Variants in UNC13C observed in about 807,000 individuals in gnomAD.
UNC13C encodes the protein protein unc-13 homolog C.
A neutral mutation model predicts 245.4 loss-of-function variants in UNC13C; 174 were observed. The observed-to-expected ratio is 0.71, with a 90% CI of 0.63 to 0.80. The LOEUF is 0.80. Ranked by LOEUF, UNC13C falls within the 30% of genes least tolerant of loss-of-function variation. UNC13C has a pLI of 0.00. For missense variants in UNC13C, 2,829 were observed against 2,602.9 expected (o/e 1.09, Z -1.89); for synonymous variants, 992 against 895.1 (o/e 1.11, Z -1.93).
chr15:54,334,222 A>G (rs1363615384), intron 16 of UNC13C, among the ~76,000 whole-genome samples: 3 of 152,144 alleles, frequency 2.0e-5, no homozygotes, highest in Admixed American at 2.0e-4. Context: ...TTTTGCTACA[A>G]GAAAGTAGCT....
At chr15:54,253,172 A>G (rs928880906) in intron 8 of UNC13C, among the ~76,000 whole-genome samples, 6 of 152,210 alleles carry the variant, frequency 3.9e-5, no homozygotes, top group African/African-American at 7.2e-5. Context: ...GAGTATGTCA[A>G]GTTACTTCAA....
chr15:54,146,143 AC>A (rs1233239320), intron 4 of UNC13C, among the ~76,000 whole-genome samples: 1 of 152,116 alleles, frequency 6.6e-6, no homozygotes, highest in Non-Finnish European at 1.5e-5. Context: ...TGCTTATTTT[AC>A]TTTTTCTATA....
chr15:53,926,150 C>T, the UNC13C span, among the ~76,000 whole-genome samples: 1 of 151,222 alleles, frequency 6.6e-6, no homozygotes, highest in Non-Finnish European at 1.5e-5. Context: ...TAGTATGACT[C>T]ATAGACATTA....
chr15:54,543,227 G>A (rs1178341224), intron 26 of UNC13C, among the ~76,000 whole-genome samples: 1 of 151,988 alleles, frequency 6.6e-6, no homozygotes, highest in African/African-American at 2.4e-5. Flanking sequence ...TTGCTTGTCT[G>A]TAAAGGATTT....
At chr15:54,477,513 C>A in intron 19 of UNC13C, among the ~76,000 whole-genome samples, 1 of 110,396 alleles carries the variant, frequency 9.1e-6, no homozygotes. Flanking sequence ...GAGTTTTTAG[C>A]ATGAAGCGTT....
intron 4 of UNC13C, among the ~76,000 whole-genome samples, chr15:54,221,677 A>G (rs543427423): frequency 6.6e-5 from 10 of 152,026 alleles, no homozygotes; most frequent in Non-Finnish European, 1.5e-4. Flanking sequence ...AAATAAGATT[A>G]ATCACATAGC....
chr15:53,932,817 C>G, the UNC13C span, among the ~76,000 whole-genome samples: 1 of 152,178 alleles, frequency 6.6e-6, no homozygotes, highest in African/African-American at 2.4e-5. Context: ...GGTCAAATCT[C>G]TTTTCAGAAC....
intron 30 of UNC13C, among the ~76,000 whole-genome samples, chr15:54,568,563 T>G (rs1205622612): frequency 3.3e-5 from 5 of 152,154 alleles, no homozygotes; most frequent in Non-Finnish European, 7.4e-5. Flanking sequence ...TTCTTTCAAG[T>G]TGCTTTGTGA....
chr15:54,308,548 G>A (rs1004619300), intron 13 of UNC13C, among the ~76,000 whole-genome samples: 7 of 151,696 alleles, frequency 4.6e-5, no homozygotes, highest in African/African-American at 1.7e-4. Context: ...AGAATACAAT[G>A]CATTGTTATT....
intron 19 of UNC13C, among the ~76,000 whole-genome samples, chr15:54,446,632 T>A (rs1202309645): frequency 1.4e-4 from 22 of 152,282 alleles, no homozygotes; most frequent in African/African-American, 3.8e-4. Context: ...ATTTTTGCAC[T>A]TTGATTTTGT....
In UNC13C at chr15:54,312,023, C is replaced by T. The variant is rs535945965; in HGVS notation, c.4269-9916C>T. Reference sequence around the variant, plus strand: ...AGCAAAATTTAAGATGTATATTTTACATATTTTTTTCTGGTTAGGGTAATA... The same window carrying T: ...AGCAAAATTTAAGATGTATATTTTATATATTTTTTTCTGGTTAGGGTAATA... On this transcript the variant is annotated intron_variant, in intron 13 of 32. Transcript: ENST00000260323. 3.1e-4 allele frequency among the ~76,000 whole-genome samples: 47 copies of T among 151,800 alleles called. 1 individual carries two copies. Among genetic ancestry groups the T allele is most frequent in the African/African-American group, 1.1e-3 (46 of 41,496 alleles).
At chr15:54,169,481 C>T (rs769487376) in intron 4 of UNC13C, among the ~76,000 whole-genome samples, 1 of 152,150 alleles carries the variant, frequency 6.6e-6, no homozygotes, top group Non-Finnish European at 1.5e-5. Flanking sequence ...ATTGCCTACT[C>T]GAGTTTCCAG....
At chr15:54,352,149 CTCTA>C (rs2038996748) in intron 17 of UNC13C, among the ~76,000 whole-genome samples, 1 of 151,492 alleles carries the variant, frequency 6.6e-6, no homozygotes, top group South Asian at 2.1e-4. Context: ...CTAAAATTCT[CTCTA>C]TATGGTTAAG....
chr15:54,095,177 C>A (rs1899788577), intron 2 of UNC13C, among the ~76,000 whole-genome samples: 1 of 152,208 alleles, frequency 6.6e-6, no homozygotes, highest in Non-Finnish European at 1.5e-5. Context: ...CAGTTACAGT[C>A]TCTTTTTCTT....
intron 31 of UNC13C, among the ~76,000 whole-genome samples, chr15:54,623,475 G>C (rs1165453333): frequency 6.6e-6 from 1 of 152,070 alleles, no homozygotes; most frequent in African/African-American, 2.4e-5. Flanking sequence ...TCTATTTCCT[G>C]ATGAGCATAT....
chr15:54,477,745 A>G (rs1892846632), intron 19 of UNC13C, among the ~76,000 whole-genome samples: 1 of 146,438 alleles, frequency 6.8e-6, no homozygotes, highest in Admixed American at 6.8e-5. Context: ...ATCAATGTTC[A>G]TCAAGGATAT....
chr15:54,431,146 T>G (rs1163917141), intron 19 of UNC13C, among the ~76,000 whole-genome samples: 1 of 151,814 alleles, frequency 6.6e-6, no homozygotes, highest in African/African-American at 2.4e-5. Context: ...AATGTTTGCA[T>G]TTGTTAAATT....
intron 4 of UNC13C, among the ~76,000 whole-genome samples, chr15:54,154,184 C>T (rs2032644176): frequency 6.6e-6 from 1 of 151,934 alleles, no homozygotes; most frequent in Non-Finnish European, 1.5e-5. Flanking sequence ...TCTCTTCTTC[C>T]CCACCTCCTC....
chr15:54,622,482 A>G, intron 31 of UNC13C, 63 bp downstream of exon 31: 1 of 1,226,020 alleles, frequency 8.2e-7, no homozygotes, highest in Non-Finnish European at 1.2e-6. Context: ...TACTGATATC[A>G]GCAATGTAAC....
Sources: gnomAD v4.1 joint callset for allele counts (sites outside exome capture counted in the v4.1 genomes callset) on GRCh38, gnomAD v4.1.1 for gene constraint, MANE v1.5 for transcripts, NCBI Gene and HGNC (gene_info 2026-07-23, HGNC 2026-07-21) for gene names.